Variants in ANKRD44 observed in about 807,000 individuals in gnomAD.
ANKRD44 encodes the protein serine/threonine-protein phosphatase 6 regulatory ankyrin repeat subunit B.
ANKRD44 carries 35 observed loss-of-function variants against 116.0 expected under a neutral mutation model. That is an observed-to-expected ratio of 0.30 (90% CI 0.23 to 0.40). The LOEUF (loss-of-function observed/expected upper bound fraction) is 0.40. ANKRD44 is among the 10% of genes least tolerant of loss of function. ANKRD44 has a pLI of 1.00. For missense variants in ANKRD44, 1,014 were observed against 1,242.6 expected (o/e 0.82, Z 2.77); for synonymous variants, 435 against 461.8 (o/e 0.94, Z 0.74).
chr2:197,023,478 C>G (rs1039367486), intron 17 of ANKRD44, among the ~76,000 whole-genome samples: 1 of 152,110 alleles, frequency 6.6e-6, no homozygotes, highest in Admixed American at 6.5e-5. Flanking sequence ...CAAAGCCCAC[C>G]TCTTTTAAAT....
intron 27 of ANKRD44, 61 bp downstream of exon 27, chr2:196,993,522 C>T: frequency 1.5e-6 from 2 of 1,352,450 alleles, no homozygotes; most frequent in South Asian, 1.3e-5. Flanking sequence ...TTTCTCATTT[C>T]CTCTGGCTTC....
chr2:197,112,263 C>T (rs112234908), intron 8 of ANKRD44, among the ~76,000 whole-genome samples: 22 of 152,226 alleles, frequency 1.4e-4, no homozygotes, highest in African/African-American at 5.1e-4. Flanking sequence ...TTTAAAAATG[C>T]ATGTTCATTT....
At chr2:197,154,835 T>A (rs2079767124) in intron 2 of ANKRD44, among the ~76,000 whole-genome samples, 1 of 152,142 alleles carries the variant, frequency 6.6e-6, no homozygotes, top group Non-Finnish European at 1.5e-5. Flanking sequence ...TGTCCCAACA[T>A]GCTCCCACCA....
intron 2 of ANKRD44, among the ~76,000 whole-genome samples, chr2:197,175,183 G>A (rs1417449324): frequency 1.3e-5 from 2 of 152,192 alleles, no homozygotes; most frequent in Admixed American, 6.5e-5. Flanking sequence ...TCTTGAGCCT[G>A]TGACTGGAGG....
At chr2:197,146,654 T>A (rs1247115650) in intron 3 of ANKRD44, among the ~76,000 whole-genome samples, 3 of 152,046 alleles carry the variant, frequency 2.0e-5, no homozygotes, top group African/African-American at 7.2e-5. Context: ...ATACATAGTG[T>A]GTATATATAC....
intron 8 of ANKRD44, among the ~76,000 whole-genome samples, chr2:197,118,238 T>C (rs1030498803): frequency 6.6e-6 from 1 of 150,824 alleles, no homozygotes; most frequent in Non-Finnish European, 1.5e-5. Flanking sequence ...ATAATAAAAA[T>C]AATTTTTTAA....
intron 2 of ANKRD44, among the ~76,000 whole-genome samples, chr2:197,175,516 T>C (rs2125558986): frequency 6.6e-6 from 1 of 152,292 alleles, no homozygotes; most frequent in South Asian, 2.1e-4. Context: ...ACAGTGTCGG[T>C]ACCACTGAGC....
chr2:197,065,306 G>A (rs2077407462), intron 16 of ANKRD44, among the ~76,000 whole-genome samples: 1 of 152,216 alleles, frequency 6.6e-6, no homozygotes, highest in Non-Finnish European at 1.5e-5. Flanking sequence ...TTAAAGCAGT[G>A]TGTAGAGGGA....
intron 10 of ANKRD44, among the ~76,000 whole-genome samples, chr2:197,098,771 A>G (rs530387328): frequency 2.0e-5 from 3 of 152,230 alleles, no homozygotes; most frequent in Non-Finnish European, 4.4e-5. Context: ...CTTAATCCTC[A>G]TAACAAACCT....
intron 16 of ANKRD44, among the ~76,000 whole-genome samples, chr2:197,045,153 C>T (rs532895348): frequency 5.1e-4 from 78 of 151,742 alleles, no homozygotes; most frequent in African/African-American, 1.9e-3. Context: ...ACAAGCTTGT[C>T]CTATGATACT....
At chr2:197,102,265 C>T (rs748491937) in intron 9 of ANKRD44, among the ~76,000 whole-genome samples, 25 of 152,060 alleles carry the variant, frequency 1.6e-4, no homozygotes, top group Non-Finnish European at 3.2e-4. Context: ...ATCTGGAATG[C>T]CACAGTGAAT....
At chr2:197,139,559 A>C (rs2079305142) in intron 3 of ANKRD44, among the ~76,000 whole-genome samples, 1 of 151,990 alleles carries the variant, frequency 6.6e-6, no homozygotes, top group African/African-American at 2.4e-5. Context: ...GGAATGTGAA[A>C]AGGAATGAAG....
At chr2:197,075,739 C>A (rs1376063881) in intron 16 of ANKRD44, among the ~76,000 whole-genome samples, 1 of 152,126 alleles carries the variant, frequency 6.6e-6, no homozygotes, top group Non-Finnish European at 1.5e-5. Flanking sequence ...TTTTTGATTA[C>A]AGCAAAACGG....
At chr2:197,069,097 A>G (rs1313070633) in intron 16 of ANKRD44, among the ~76,000 whole-genome samples, 1 of 152,226 alleles carries the variant, frequency 6.6e-6, no homozygotes. Context: ...GCACACATAC[A>G]CCATGGAATA....
chr2:197,015,931 T>G, intron 17 of ANKRD44: 1 of 528,488 alleles, frequency 1.9e-6, no homozygotes, highest in Admixed American at 2.1e-5. Context: ...AGGGGGTAGT[T>G]TTGGTGGAAG....
chr2:197,212,002 C>T lies in ANKRD44; in HGVS notation c.28-24896G>A, dbSNP rs142079118. Among the ~76,000 whole-genome samples the T allele has an allele frequency of 1.4e-4, 22 of 152,102 alleles. No homozygotes were observed. The Middle Eastern group carries it at 0.01, about 71-fold the overall frequency. On this transcript the variant is annotated intron_variant, in intron 1 of 27. Coordinates refer to ENST00000282272, the MANE Select transcript of ANKRD44 (RefSeq NM_001195144.2). This position sits in a 1 kb window ranked among gnomAD's most constrained non-coding sequence, Gnocchi z 4.8. The stretch of plus-strand genomic sequence containing the variant: ...TAGTAATCAACAGTAAGCTCATGCA[C>T]GGGAATTCCCTTCACTGAGCCTCTC...
intron 21 of ANKRD44, among the ~76,000 whole-genome samples, chr2:196,975,601 C>T (rs1254386647): frequency 5.5e-5 from 8 of 144,338 alleles, no homozygotes; most frequent in African/African-American, 1.3e-4. Context: ...CTAGCCAGCA[C>T]GGTGTCACAC....
chr2:197,179,769 G>T (rs2125575710), intron 2 of ANKRD44, among the ~76,000 whole-genome samples: 1 of 152,292 alleles, frequency 6.6e-6, no homozygotes, highest in East Asian at 1.9e-4. Context: ...AGGATAATTA[G>T]TGATGATGCA....
At chr2:197,108,421 T>C (rs1282005170) in intron 9 of ANKRD44, among the ~76,000 whole-genome samples, 1 of 152,190 alleles carries the variant, frequency 6.6e-6, no homozygotes, top group Non-Finnish European at 1.5e-5. Context: ...TTCAGGCCCC[T>C]GGACCCCACC....
Sources: allele counts gnomAD v4.1 joint callset (sites outside exome capture counted in the v4.1 genomes callset), GRCh38; gene constraint gnomAD v4.1.1; non-coding constraint Gnocchi (gnomAD v3.1); transcripts MANE v1.5; gene names NCBI Gene and HGNC (gene_info 2026-07-23, HGNC 2026-07-21).